The following CBFA2T3 variants were observed in gnomAD, a reference collection of about 807,000 sequenced individuals.
CBFA2T3 encodes the protein CBFA2/RUNX1 partner transcriptional co-repressor 3.
CBFA2T3 carries 31 observed loss-of-function variants against 58.6 expected under a neutral mutation model. The observed-to-expected ratio is 0.53, with a 90% CI of 0.40 to 0.71. CBFA2T3 has a LOEUF of 0.71. Ranked by LOEUF, CBFA2T3 falls within the 30% of genes least tolerant of loss-of-function variation. The pLI is 0.00. For synonymous variants in CBFA2T3, 531 were observed against 421.9 expected, an observed-to-expected ratio of 1.26 and a Z score of -3.17; for missense variants, 1,076 against 963.1, an observed-to-expected ratio of 1.12 and a Z score of -1.55.
intron 1 of CBFA2T3, among the ~76,000 whole-genome samples, chr16:88,924,672 T>C (rs1971029640): frequency 6.6e-6 from 1 of 152,092 alleles, no homozygotes; most frequent in Admixed American, 6.5e-5. Flanking sequence ...GCCGGGAGCA[T>C]GAGGTCACTC....
intron 2 of CBFA2T3, 92 bp downstream of exon 2, chr16:88,901,412 G>A (rs993692025): frequency 9.4e-6 from 6 of 636,390 alleles, no homozygotes; most frequent in Admixed American, 3.3e-5. Flanking sequence ...GAAGGTGCCC[G>A]CTGGCTCCGG....
At chr16:88,934,245 A>ACGGAGGCACCGGCGAGAAGGGC (rs1971421206) in intron 1 of CBFA2T3, among the ~76,000 whole-genome samples, 4 of 149,420 alleles carry the variant, frequency 2.7e-5, no homozygotes, top group East Asian at 1.9e-4. Flanking sequence ...CCCTCGGCAC[A>ACGGAGGCACCGGCGAGAAGGGC]TGGAGGCACG....
chr16:88,875,015 C>T lies in CBFA2T3; in HGVS notation c.*1961G>A, dbSNP rs1430188609. The stretch of plus-strand genomic sequence containing the variant: ...GGCTGGTTCAGTAGCTGGGTCACTC[C>T]CGTATTGCACTGAGTTCCTAGAACT... On this transcript the variant is annotated 3_prime_UTR_variant, in exon 12 of 12. Transcript: ENST00000268679. The T allele has an allele frequency of 4.3e-6, 1 of 234,158 alleles. No homozygotes were observed. Among genetic ancestry groups the T allele is most frequent in the East Asian group, 6.0e-5 (1 of 16,602 alleles). 14.5% of individuals were successfully genotyped at this position (234,158 alleles called of 1,614,324 possible).
Position 88,947,469 on chromosome 16 carries a change from G to A in CBFA2T3, c.151+29188C>T, listed in dbSNP as rs1381769251. 2.0e-5 allele frequency among the ~76,000 whole-genome samples: 3 copies of A among 151,988 alleles called. No homozygotes were observed. In the East Asian group the frequency reaches 5.8e-4, roughly 29 times the overall value. On this transcript the variant is annotated intron_variant, in intron 1 of 11. Transcript: ENST00000268679. The stretch of plus-strand genomic sequence containing the variant: ...TTGAAAGTCTTTTGATTCCCCTATC[G>A]TACAAAACTAGGTACATAGTTGGAA...
intron 1 of CBFA2T3, among the ~76,000 whole-genome samples, chr16:88,945,889 G>A (rs957030094): frequency 2.6e-5 from 4 of 152,166 alleles, no homozygotes; most frequent in African/African-American, 9.7e-5. Flanking sequence ...AGTTTCATTC[G>A]TTTTTACCAA....
In CBFA2T3 at chr16:88,977,000, G is replaced by A; in HGVS notation, c.-193C>T. On this transcript the variant is annotated 5_prime_UTR_variant, in exon 1 of 12. Transcript: ENST00000268679. ...ACTGGGTGTCCTCTGCCCTGGGGAG[G>A]GGGTGGGAGCCCTGGGGCTCATGTG... The A allele has an allele frequency of 1.7e-6, 1 of 574,378 alleles. No homozygotes were observed. Among genetic ancestry groups the A allele is most frequent in the Non-Finnish European group, 3.0e-6 (1 of 337,400 alleles). The allele number at this position is 574,378 out of a possible 1,614,324, so 35.6% of individuals were successfully genotyped here. A position where few individuals can be genotyped will look rare whatever the true frequency, so the allele number is the denominator to read the frequency against.
rs1469343109 is a variant in CBFA2T3 at position 88,886,099 on chromosome 16, C to T, written c.755G>A (p.Arg252His). The change falls in exon 6 of 12, where the codon CGC becomes CAC. Residue 252 changes from arginine to histidine, a missense_variant. Physicochemically the swap from Arg to His is conservative, Grantham distance 29. Coordinates refer to ENST00000268679, the MANE Select transcript of CBFA2T3 (RefSeq NM_005187.6). Reference protein sequence around the residue: ...LLQRELLHCARLAKQTPAQYL... With the variant: ...LLQRELLHCAHLAKQTPAQYL... Reference sequence around the variant, plus strand: ...CTGGGCGGGCGTCTGCTTGGCCAGGCGTGCACAGTGCAGGAGCTCCCGCTG... The same window carrying T: ...CTGGGCGGGCGTCTGCTTGGCCAGGTGTGCACAGTGCAGGAGCTCCCGCTG... 2.5e-5 allele frequency: 40 copies of T among 1,587,350 alleles called. No individual in the cohort carries two copies. The highest frequency in any genetic ancestry group is 3.0e-5 in the Non-Finnish European group (35 of 1,174,456).
At chr16:88,900,413 C>A (rs1202458894) in intron 2 of CBFA2T3, among the ~76,000 whole-genome samples, 1 of 152,264 alleles carries the variant, frequency 6.6e-6, no homozygotes, top group Non-Finnish European at 1.5e-5. Flanking sequence ...CTCGGCGGAG[C>A]AGGCCCCCAG....
chr16:88,945,412 A>G (rs1038739061), intron 1 of CBFA2T3, among the ~76,000 whole-genome samples: 20 of 152,394 alleles, frequency 1.3e-4, no homozygotes, highest in African/African-American at 4.6e-4. Context: ...TGGGAAACAC[A>G]TATCTGATGA....
At chr16:88,966,189 C>T (rs78326683) in intron 1 of CBFA2T3, among the ~76,000 whole-genome samples, 7,823 of 152,308 alleles carry the variant, frequency 0.051, 243 homozygotes, top group South Asian at 0.091. Flanking sequence ...CTGCACAGTC[C>T]CAGGACTTCC....
At chr16:88,965,874 G>A (rs1182474123) in intron 1 of CBFA2T3, among the ~76,000 whole-genome samples, 1 of 152,216 alleles carries the variant, frequency 6.6e-6, no homozygotes, top group East Asian at 1.9e-4. Flanking sequence ...AGCATTAAAA[G>A]CCCACAGAAC....
intron 1 of CBFA2T3, among the ~76,000 whole-genome samples, chr16:88,915,797 C>A (rs1366721009): frequency 6.6e-6 from 1 of 151,340 alleles, no homozygotes; most frequent in Non-Finnish European, 1.5e-5. Flanking sequence ...GTGGGCTAGA[C>A]ACAGGGTGGG....
chr16:88,915,401 A>G (rs1597721210), intron 1 of CBFA2T3, among the ~76,000 whole-genome samples: 2 of 17,940 alleles, frequency 1.1e-4, no homozygotes, highest in Admixed American at 8.1e-4. Flanking sequence ...TGGAGGGGGG[A>G]GCGTGGAGGG....
Position 88,885,067 on chromosome 16 carries a change from G to A in CBFA2T3, c.1096C>T (p.Arg366Ter). Residue 366 changes from arginine to a stop codon, truncating the protein, a stop_gained, in exon 7 of 12, where the codon CGA (arginine) becomes TGA (stop). Coordinates refer to ENST00000268679, the MANE Select transcript of CBFA2T3 (RefSeq NM_005187.6). LOFTEE classifies it high-confidence loss of function. This position sits in a 1 kb window ranked among gnomAD's most constrained non-coding sequence, Gnocchi z 5.3. ...AYRHPDPREL[R>*]ERHRPLVVPG... is the part of the protein sequence containing the mutation. Reference sequence around the variant, plus strand: ...TCACCAAGCGGCCGATGGCGCTCTCGTAGCTCCCGGGGGTCTGGGTGGCGG... The same window carrying A: ...TCACCAAGCGGCCGATGGCGCTCTCATAGCTCCCGGGGGTCTGGGTGGCGG... 4 of 1,600,336 alleles carry A rather than the reference G, an allele frequency of 2.5e-6. No homozygotes were observed. Among genetic ancestry groups the A allele is most frequent in the Non-Finnish European group, 3.4e-6 (4 of 1,177,220 alleles).
In CBFA2T3 at chr16:88,881,309, G is replaced by A. The variant is rs773516482; in HGVS notation, c.1384C>T (p.Pro462Ser). ...CACGCACCTAGCTGAGGCCCTTCGG[G>A]ACCGGCGGAGCTGCTGCGGGGCCGG... ...AARPRSSSAGPEGPQLDVPRE... is the reference protein window; with the variant it reads ...AARPRSSSAGSEGPQLDVPRE... Residue 462 changes from proline (P) to serine (S), a missense_variant, in exon 9 of 12, where the codon CCC (proline) becomes TCC (serine). Physicochemically the swap from Pro to Ser is moderately conservative, Grantham distance 74. Coordinates refer to ENST00000268679, the MANE Select transcript of CBFA2T3 (RefSeq NM_005187.6). The A allele has an allele frequency of 6.3e-7, 1 of 1,590,020 alleles. No homozygotes were observed. The highest frequency in any genetic ancestry group is 1.3e-5 in the African/African-American group (1 of 74,510).
chr16:88,950,214 G>A (rs1256953508), intron 1 of CBFA2T3: 14 of 443,518 alleles, frequency 3.2e-5, no homozygotes, highest in Middle Eastern at 3.4e-4. Context: ...CCCCTGGACC[G>A]GCACCGCCAC....
At chr16:88,891,066 C>T (rs556549210) in intron 5 of CBFA2T3, among the ~76,000 whole-genome samples, 9 of 152,264 alleles carry the variant, frequency 5.9e-5, no homozygotes, top group South Asian at 4.1e-4. Context: ...CCCTGGTCCA[C>T]GGTTGATCTG....
intron 9 of CBFA2T3, 129 bp from the exon 10 acceptor site, chr16:88,880,917 T>G (rs1597656271): frequency 1.2e-6 from 1 of 866,546 alleles, no homozygotes; most frequent in Non-Finnish European, 1.8e-6. Context: ...GAGGCCCAGG[T>G]GCCCTCGGAC....
chr16:88,934,014 G>C (rs962406583), intron 1 of CBFA2T3, among the ~76,000 whole-genome samples: 1 of 152,226 alleles, frequency 6.6e-6, no homozygotes, highest in African/African-American at 2.4e-5. Context: ...GGACACACTG[G>C]GTTAAGTAAG....
Sources: gnomAD v4.1 joint callset for allele counts (sites outside exome capture counted in the v4.1 genomes callset) on GRCh38, gnomAD v4.1.1 for gene constraint, Gnocchi (gnomAD v3.1) non-coding constraint, MANE v1.5 for transcripts, NCBI Gene and HGNC (gene_info 2026-07-23, HGNC 2026-07-21) for gene names.